INA: variants seen among roughly 807,000 people sequenced by gnomAD.
INA encodes internexin neuronal intermediate filament protein alpha.
A neutral mutation model predicts 40.1 loss-of-function variants in INA; 35 were observed. The observed-to-expected ratio is 0.87, with a 90% CI of 0.67 to 1.16. The LOEUF (loss-of-function observed/expected upper bound fraction) is 1.16. Ranked by LOEUF, INA falls within the 50% of genes most tolerant of loss-of-function variation. The pLI, the probability that INA is intolerant of heterozygous loss-of-function variation, is 0.00. For missense variants in INA, 594 were observed against 686.7 expected (o/e 0.87, Z 1.51); for synonymous variants, 290 against 316.9 (o/e 0.92, Z 0.90).
chr10:103,288,119 A>G (rs748992599), intron 2 of INA, among the ~76,000 whole-genome samples: 10 of 152,214 alleles, frequency 6.6e-5, no homozygotes, highest in Non-Finnish European at 1.3e-4. Flanking sequence ...TGAACAGGAT[A>G]GGTTTTCCTT....
rs369168949 is a variant in INA, at chr10:103,278,903, GCACACACACACA to G, written c.1065+647_1065+658del. On this transcript the variant is annotated intron_variant, in intron 1 of 2. Transcript: ENST00000369849. This position sits in a 1 kb window ranked among gnomAD's most constrained non-coding sequence, Gnocchi z 4.9. ...ACACACACGATTCCCTTGTCCACCA[GCACACACACACA>G]CACACACACACACACACACGATTCC... Among the ~76,000 whole-genome samples the G allele has an allele frequency of 7.3e-6, 1 of 136,792 alleles. No individual in the cohort carries two copies. The highest frequency in any genetic ancestry group is 2.7e-5 in the African/African-American group (1 of 36,612). 89.7% of individuals were successfully genotyped at this position (136,792 alleles called of 152,430 possible). A position where few individuals can be genotyped will look rare whatever the true frequency, so the allele number is the denominator to read the frequency against.
intron 1 of INA, chr10:103,280,175 A>C: frequency 3.0e-6 from 3 of 985,478 alleles, no homozygotes; most frequent in Non-Finnish European, 3.6e-6. Flanking sequence ...GGAAACAAAC[A>C]AAAAACAACA....
At chr10:103,285,976 G>A (rs1293214048) in intron 1 of INA, among the ~76,000 whole-genome samples, 1 of 151,904 alleles carries the variant, frequency 6.6e-6, no homozygotes, top group African/African-American at 2.4e-5. Flanking sequence ...TTAGATAGAG[G>A]AAATAACAAG....
intron 1 of INA, among the ~76,000 whole-genome samples, chr10:103,286,343 A>AG (rs1330981258): frequency 6.6e-6 from 1 of 150,994 alleles, no homozygotes; most frequent in African/African-American, 2.4e-5. Flanking sequence ...CTCAAAAAAA[A>AG]AAAAAAAAAA....
chr10:103,283,754 T>TC (rs1179271039), intron 1 of INA, among the ~76,000 whole-genome samples: 3 of 148,960 alleles, frequency 2.0e-5, no homozygotes, highest in Non-Finnish European at 4.5e-5. Context: ...GTTTCTTTTT[T>TC]TTTTTTTTTT....
In INA at chr10:103,288,314, G is replaced by A. The variant is rs372264228; in HGVS notation, c.1191-46G>A. The A allele has an allele frequency of 6.0e-5, 91 of 1,513,080 alleles. 1 individual carries two copies. The African/African-American group carries it at 1.2e-3, about 20-fold the overall frequency. 93.7% of individuals were successfully genotyped at this position (1,513,080 alleles called of 1,614,324 possible). The stretch of plus-strand genomic sequence containing the variant: ...GATTGGAGGGTTGAGTTCTGGGGGG[G>A]AAAAGTTATTGACTTCCTAAGAGTT... On this transcript the variant is annotated intron_variant, in intron 2 of 2. Coordinates refer to ENST00000369849, the MANE Select transcript of INA (RefSeq NM_032727.4).
chr10:103,287,731 T>TAAA (rs942151006), intron 2 of INA, among the ~76,000 whole-genome samples: 1 of 77,978 alleles, frequency 1.3e-5, no homozygotes, highest in African/African-American at 4.9e-5. Flanking sequence ...AGACTCTGTC[T>TAAA]AAAAAAAAAA....
chr10:103,283,752 T>C (rs553494061), intron 1 of INA, among the ~76,000 whole-genome samples: 97 of 148,450 alleles, frequency 6.5e-4, no homozygotes, highest in African/African-American at 2.0e-3. Flanking sequence ...CTGTTTCTTT[T>C]TTTTTTTTTT....
intron 1 of INA, among the ~76,000 whole-genome samples, chr10:103,283,724 A>T (rs1267303059): frequency 1.4e-5 from 2 of 143,896 alleles, no homozygotes; most frequent in Non-Finnish European, 3.0e-5. Context: ...GAGGTTTCTG[A>T]TATGTTTATC....
At chr10:103,279,876 C>A in intron 1 of INA, 1 of 1,155,994 alleles carries the variant, frequency 8.7e-7, no homozygotes, top group Non-Finnish European at 1.1e-6. Context: ...TCATTATGTA[C>A]CCTAACCCCT....
rs771169237 is a variant in INA, at chr10:103,277,800, A to G, written c.589A>G (p.Lys197Glu). Residue 197 changes from lysine (K) to glutamate (E), a missense_variant, in exon 1 of 3, where the codon AAG becomes GAG. By Grantham distance (56) the Lys-to-Glu change is moderately conservative. Transcript: ENST00000369849. This position sits in a 1 kb window ranked among gnomAD's most constrained non-coding sequence, Gnocchi z 5.6. Reference protein sequence around the residue: ...RGREGAERALKAQQRDVDGAT... With the variant: ...RGREGAERALEAQQRDVDGAT... ...ACGCGAAGGCGCCGAGCGCGCCCTG[A>G]AGGCGCAGCAGCGCGACGTGGACGG... is the stretch of plus-strand genomic sequence containing the variant. The G allele has an allele frequency of 6.6e-7, 1 of 1,526,464 alleles. No individual in the cohort carries two copies. The highest frequency in any genetic ancestry group is 1.2e-5 in the South Asian group (1 of 82,526). The allele number at this position is 1,526,464 out of a possible 1,614,324, so 94.6% of individuals were successfully genotyped here. A position where few individuals can be genotyped will look rare whatever the true frequency, so the allele number is the denominator to read the frequency against.
chr10:103,286,327 C>T (rs2093085830), intron 1 of INA, among the ~76,000 whole-genome samples: 1 of 131,012 alleles, frequency 7.6e-6, no homozygotes, highest in South Asian at 2.5e-4. Context: ...CAGAGCAAGA[C>T]CTTGTCTCAA....
intron 1 of INA, among the ~76,000 whole-genome samples, chr10:103,279,055 A>G (rs182982759): frequency 6.6e-6 from 1 of 152,148 alleles, no homozygotes; most frequent in East Asian, 1.9e-4. Flanking sequence ...CTCAGAAATT[A>G]TGTCTCTCCT....
intron 1 of INA, among the ~76,000 whole-genome samples, chr10:103,286,336 A>C (rs1222562490): frequency 1.9e-3 from 146 of 77,452 alleles, no homozygotes; most frequent in African/African-American, 7.2e-3. Flanking sequence ...ACCTTGTCTC[A>C]AAAAAAAAAA....
intron 1 of INA, chr10:103,281,028 G>T (rs542515316): frequency 6.6e-6 from 4 of 609,474 alleles, no homozygotes; most frequent in Admixed American, 6.3e-5. Flanking sequence ...TGCTCTCCAG[G>T]GAGACAAGCC....
chr10:103,288,825 A>T lies in INA; in HGVS notation c.*156A>T. The T allele has an allele frequency of 1.8e-6, 1 of 557,788 alleles. No homozygotes were observed. The highest frequency in any genetic ancestry group is 3.1e-6 in the Non-Finnish European group (1 of 318,938). 34.6% of individuals were successfully genotyped at this position (557,788 alleles called of 1,614,324 possible). On this transcript the variant is annotated 3_prime_UTR_variant, in exon 3 of 3. Transcript: ENST00000369849. ...TATTGAATACTTACATTCTCTAATA[A>T]GAAAACCACCCCTTAGATTGAAGTA... is the stretch of plus-strand genomic sequence containing the variant.
rs1271892233 is a variant in INA at position 103,278,320 on chromosome 10, TC to T, written c.1065+46del. 2.8e-6 allele frequency: 4 copies of T among 1,410,550 alleles called. No individual in the cohort carries two copies. Among genetic ancestry groups the T allele is most frequent in the Non-Finnish European group, 3.8e-6 (4 of 1,044,226 alleles). The allele number at this position is 1,410,550 out of a possible 1,614,324, so 87.4% of individuals were successfully genotyped here. The stretch of plus-strand genomic sequence containing the variant: ...CGTGGGGAGGGGTGCCCTGCCCTCT[TC>T]CGCGCGTACCCTCTTCCTCTGGTAA... On this transcript the variant is annotated intron_variant, in intron 1 of 2. Transcript: ENST00000369849. This position sits in a 1 kb window ranked among gnomAD's most constrained non-coding sequence, Gnocchi z 4.9.
intron 1 of INA, among the ~76,000 whole-genome samples, chr10:103,281,420 T>C (rs1179411992): frequency 3.9e-5 from 6 of 152,200 alleles, no homozygotes; most frequent in Non-Finnish European, 5.9e-5. Flanking sequence ...CCCGGGAATA[T>C]GCATTTTTCA....
chr10:103,280,224 C>A (rs2093069784), intron 1 of INA: 1 of 985,220 alleles, frequency 1.0e-6, no homozygotes, highest in African/African-American at 1.7e-5. Context: ...GCGGTGCTGC[C>A]CCCATCAGCT....
Sources: allele counts gnomAD v4.1 joint callset (sites outside exome capture counted in the v4.1 genomes callset), GRCh38; gene constraint gnomAD v4.1.1; non-coding constraint Gnocchi (gnomAD v3.1); transcripts MANE v1.5; gene names NCBI Gene and HGNC (gene_info 2026-07-23, HGNC 2026-07-21).